ZNF865: variants seen among roughly 807,000 people sequenced by gnomAD.
ZNF865 encodes zinc finger protein 865.
For synonymous variants in ZNF865, 763 were observed against 750.8 expected (o/e 1.02, Z -0.27); for missense variants, 1,311 against 1,593.4 (o/e 0.82, Z 3.02).
chr19:55,616,608 C>A lies in ZNF865; in HGVS notation c.2990C>A (p.Ala997Asp), dbSNP rs1395076561. The A allele has an allele frequency of 1.2e-5, 19 of 1,525,900 alleles. No homozygotes were observed. Among genetic ancestry groups the A allele is most frequent in the Non-Finnish European group, 1.7e-5 (19 of 1,142,006 alleles). 94.5% of individuals were successfully genotyped at this position (1,525,900 alleles called of 1,614,324 possible). A position where few individuals can be genotyped will look rare whatever the true frequency, so the allele number is the denominator to read the frequency against. ...CTCCGCTGCCCCGCCTGCCTCAAGG[C>A]CTTCAAGGATCCCGGCTACTTCCGT... Reference protein sequence around the residue: ...PELRCPACLKAFKDPGYFRKH... With the variant: ...PELRCPACLKDFKDPGYFRKH... The change falls in exon 2 of 2, where the codon GCC (alanine) becomes GAC (aspartate). Residue 997 changes from alanine to aspartate, a missense_variant. By Grantham distance (126) the Ala-to-Asp change is moderately radical. Coordinates refer to ENST00000568956, the MANE Select transcript of ZNF865 (RefSeq NM_001195605.2).
chr19:55,614,024 C>T lies in ZNF865; in HGVS notation c.406C>T (p.Pro136Ser). The part of the protein sequence containing the change: ...LPPAFGAPPP[P>S]LFDAAFPTPQ... ...GCCCGCCTTCGGGGCGCCCCCTCCT[C>T]CCCTCTTTGACGCTGCTTTCCCCAC... is the stretch of plus-strand genomic sequence containing the variant. The change falls in exon 2 of 2, where the codon CCC becomes TCC. Residue 136 changes from proline (P) to serine (S), a missense_variant. Coordinates refer to ENST00000568956, the MANE Select transcript of ZNF865 (RefSeq NM_001195605.2). This position sits in a 1 kb window ranked among gnomAD's most constrained non-coding sequence, Gnocchi z 8.0. 2.0e-6 allele frequency: 3 copies of T among 1,500,438 alleles called. No individual in the cohort carries two copies. Among genetic ancestry groups the T allele is most frequent in the Admixed American group, 2.1e-5 (1 of 47,462 alleles). The allele number at this position is 1,500,438 out of a possible 1,614,324, so 92.9% of individuals were successfully genotyped here.
At position 55,614,890 on chromosome 19, in the gene ZNF865, G is replaced by C; in HGVS notation, c.1272G>C (p.Lys424Asn). 1 of 1,501,616 alleles carries C rather than the reference G, an allele frequency of 6.7e-7. No individual in the cohort carries two copies. Among genetic ancestry groups the C allele is most frequent in the Non-Finnish European group, 8.9e-7 (1 of 1,129,712 alleles). The allele number at this position is 1,501,616 out of a possible 1,614,324, so 93.0% of individuals were successfully genotyped here. Residue 424 changes from lysine to asparagine, a missense_variant, in exon 2 of 2, where the codon AAG becomes AAC. Transcript: ENST00000568956. This position sits in a 1 kb window ranked among gnomAD's most constrained non-coding sequence, Gnocchi z 8.0. ...TCCGCGACGCCTCCTACCTCCTCAA[G>C]CACCAGGCGGCCCACGCGGGGGCGG... Reference protein sequence around the residue: ...KAFRDASYLLKHQAAHAGAGA... With the variant: ...KAFRDASYLLNHQAAHAGAGA...
chr19:55,614,250 G>C lies in ZNF865; in HGVS notation c.632G>C (p.Gly211Ala), dbSNP rs1981255263. Reference sequence around the variant, plus strand: ...TGCGACCCCACCAAGGACGACAAGGGCTACTTCCGGAGACTGAAGTACCTG... The same window carrying C: ...TGCGACCCCACCAAGGACGACAAGGCCTACTTCCGGAGACTGAAGTACCTG... ...AACDPTKDDKGYFRRLKYLME... is the reference protein window; with the variant it reads ...AACDPTKDDKAYFRRLKYLME... Residue 211 changes from glycine (G) to alanine (A), a missense_variant, in exon 2 of 2, where the codon GGC becomes GCC. Coordinates refer to ENST00000568956, the MANE Select transcript of ZNF865 (RefSeq NM_001195605.2). The surrounding 1 kb of genome is among the most constrained non-coding windows in gnomAD (Gnocchi z 8.0). 6.6e-7 allele frequency: 1 copy of C among 1,514,782 alleles called. No homozygotes were observed. Among genetic ancestry groups the C allele is most frequent in the South Asian group, 1.2e-5 (1 of 81,920 alleles). 93.8% of individuals were successfully genotyped at this position (1,514,782 alleles called of 1,614,324 possible). A position where few individuals can be genotyped will look rare whatever the true frequency, so the allele number is the denominator to read the frequency against.
At chr19:55,607,737 C>T (rs943223404) in intron 1 of ZNF865, among the ~76,000 whole-genome samples, 2 of 152,210 alleles carry the variant, frequency 1.3e-5, no homozygotes, top group Admixed American at 1.3e-4. Flanking sequence ...AATTCCCCTT[C>T]TCCTGGACAA....
intron 1 of ZNF865, among the ~76,000 whole-genome samples, chr19:55,608,114 A>G (rs1981005237): frequency 6.6e-6 from 1 of 152,184 alleles, no homozygotes; most frequent in Admixed American, 6.5e-5. Context: ...GTGACAGGTC[A>G]TTGGTTACTG....
chr19:55,610,203 C>T (rs1456576735), intron 1 of ZNF865, among the ~76,000 whole-genome samples: 2 of 152,214 alleles, frequency 1.3e-5, no homozygotes, highest in Non-Finnish European at 2.9e-5. Flanking sequence ...TGCACCTCCT[C>T]AGCTTTGGTA....
Position 55,615,852 on chromosome 19 carries a change from C to A in ZNF865, c.2234C>A (p.Ala745Glu). 6.7e-7 allele frequency: 1 copy of A among 1,492,834 alleles called. No homozygotes were observed. The highest frequency in any genetic ancestry group is 1.3e-5 in the South Asian group (1 of 77,898). The allele number at this position is 1,492,834 out of a possible 1,614,324, so 92.5% of individuals were successfully genotyped here. Residue 745 changes from alanine to glutamate, a missense_variant, in exon 2 of 2, where the codon GCG becomes GAG. Coordinates refer to ENST00000568956, the MANE Select transcript of ZNF865 (RefSeq NM_001195605.2). ...QPPDGSSGTD[A>E]ASVLDNGLAG... ...CCGGACGGCTCCAGCGGCACGGATG[C>A]GGCCAGCGTGCTGGACAACGGGCTG...
intron 1 of ZNF865, among the ~76,000 whole-genome samples, chr19:55,610,084 C>G (rs919693361): frequency 6.6e-6 from 1 of 152,202 alleles, no homozygotes; most frequent in African/African-American, 2.4e-5. Flanking sequence ...ACATGTCCCC[C>G]TCCGTTCCTC....
intron 1 of ZNF865, among the ~76,000 whole-genome samples, chr19:55,610,916 G>T (rs1412776284): frequency 6.6e-6 from 1 of 152,146 alleles, no homozygotes; most frequent in African/African-American, 2.4e-5. Context: ...AGGCAGAAGA[G>T]AAAGTAACCA....
chr19:55,613,836 C>CGCCGCAGCCCCCGCCGCA lies in ZNF865; in HGVS notation c.218_219insGCCGCAGCCCCCGCCGCA (p.Pro74_Pro75insGlnProProProHisPro). On this transcript the variant is annotated inframe_insertion, in exon 2 of 2. Coordinates refer to ENST00000568956, the MANE Select transcript of ZNF865 (RefSeq NM_001195605.2). ...CCGCCGCAGCCCCCGCCGCAGCCCC[C>CGCCGCAGCCCCCGCCGCA]TCCCCCGCAGTATGACTACCCGCCC... The CGCCGCAGCCCCCGCCGCA allele has an allele frequency of 6.7e-7, 1 of 1,503,464 alleles. No homozygotes were observed. Among genetic ancestry groups the CGCCGCAGCCCCCGCCGCA allele is most frequent in the Non-Finnish European group, 8.9e-7 (1 of 1,125,628 alleles). The allele number at this position is 1,503,464 out of a possible 1,614,324, so 93.1% of individuals were successfully genotyped here.
At position 55,608,180 on chromosome 19, in the gene ZNF865, C is replaced by T. The variant is rs57457524; in HGVS notation, c.-27+2448C>T. Reference sequence around the variant, plus strand: ...GATGGGGAGGAGGTGAAGGGGTGAGCGAGATGGTTGCCTGAGAGTCAGAAT... The same window carrying T: ...GATGGGGAGGAGGTGAAGGGGTGAGTGAGATGGTTGCCTGAGAGTCAGAAT... On this transcript the variant is annotated intron_variant, in intron 1 of 1. Transcript: ENST00000568956. 7.3e-3 allele frequency among the ~76,000 whole-genome samples: 1,109 copies of T among 151,968 alleles called. 18 individuals carry two copies. The highest frequency in any genetic ancestry group is 0.025 in the African/African-American group (1,049 of 41,442).
At chr19:55,606,345 C>T (rs939023796) in intron 1 of ZNF865, among the ~76,000 whole-genome samples, 1 of 151,540 alleles carries the variant, frequency 6.6e-6, no homozygotes, top group Admixed American at 6.6e-5. Context: ...AAGAATGCCC[C>T]TTTCAAAGCC....
rs893827986 is a variant in ZNF865, at chr19:55,615,009, C to G, written c.1391C>G (p.Ala464Gly). 1 of 1,363,330 alleles carries G rather than the reference C, an allele frequency of 7.3e-7. No homozygotes were observed. Among genetic ancestry groups the G allele is most frequent in the African/African-American group, 1.5e-5 (1 of 64,674 alleles). 84.5% of individuals were successfully genotyped at this position (1,363,330 alleles called of 1,614,324 possible). ...CTGCTCCGCCACAAGGCCGCCCACG[C>G]CCCGCCCGCTGCCGCTGCGGAGGCG... ...QSLLRHKAAH[A>G]PPAAAAEAPK... Residue 464 changes from alanine to glycine, a missense_variant, in exon 2 of 2, where the codon GCC becomes GGC. Ala to Gly is a moderately conservative substitution (Grantham distance 60). Coordinates refer to ENST00000568956, the MANE Select transcript of ZNF865 (RefSeq NM_001195605.2).
chr19:55,614,125 C>T lies in ZNF865; in HGVS notation c.507C>T (p.Ser169=). ...FGNLKRGGPA[S]GPGVTPGLGA... is the part of the protein sequence containing the mutation. ...ACCTGAAGCGAGGAGGGCCCGCGTC[C>T]GGGCCGGGGGTGACGCCTGGGCTGG... is the stretch of plus-strand genomic sequence containing the variant. The change falls in exon 2 of 2, where the codon TCC becomes TCT. Residue 169 remains serine (S), a synonymous_variant. Coordinates refer to ENST00000568956, the MANE Select transcript of ZNF865 (RefSeq NM_001195605.2). The surrounding 1 kb of genome is among the most constrained non-coding windows in gnomAD (Gnocchi z 8.0). The T allele has an allele frequency of 7.0e-7, 1 of 1,426,784 alleles. No individual in the cohort carries two copies. Among genetic ancestry groups the T allele is most frequent in the Non-Finnish European group, 9.1e-7 (1 of 1,099,846 alleles). 88.4% of individuals were successfully genotyped at this position (1,426,784 alleles called of 1,614,324 possible).
In ZNF865 at chr19:55,616,146, G is replaced by A; in HGVS notation, c.2528G>A (p.Arg843Gln). Residue 843 changes from arginine (R) to glutamine (Q), a missense_variant, in exon 2 of 2, where the codon CGG (arginine) becomes CAG (glutamine). Physicochemically the swap from Arg to Gln is conservative, Grantham distance 43. Coordinates refer to ENST00000568956, the MANE Select transcript of ZNF865 (RefSeq NM_001195605.2). ...TTGCTCCTACACCGCCGCAGCCATCGGCAGAAGCGGGGTTTCCGCTGCCCG... is the reference window on the plus strand; with the variant it reads ...TTGCTCCTACACCGCCGCAGCCATCAGCAGAAGCGGGGTTTCCGCTGCCCG... Reference protein sequence around the residue: ...YDLLLHRRSHRQKRGFRCPVC... With the variant: ...YDLLLHRRSHQQKRGFRCPVC... The A allele has an allele frequency of 6.7e-7, 1 of 1,501,762 alleles. No individual in the cohort carries two copies. Among genetic ancestry groups the A allele is most frequent in the Non-Finnish European group, 8.9e-7 (1 of 1,128,566 alleles). The allele number at this position is 1,501,762 out of a possible 1,614,324, so 93.0% of individuals were successfully genotyped here. A position where few individuals can be genotyped will look rare whatever the true frequency, so the allele number is the denominator to read the frequency against.
chr19:55,605,696 C>T lies in ZNF865; in HGVS notation c.-63C>T, dbSNP rs1316835528. On this transcript the variant is annotated 5_prime_UTR_variant, in exon 1 of 2. Coordinates refer to ENST00000568956, the MANE Select transcript of ZNF865 (RefSeq NM_001195605.2). ...CCCCGGAGCGGCGGCGCCTCCTCCG[C>T]CTCCTCGGCCTCCTCCCGGCGGAGA... 6.6e-6 allele frequency: 1 copy of T among 151,988 alleles called. No individual in the cohort carries two copies. Among genetic ancestry groups the T allele is most frequent in the Non-Finnish European group, 1.5e-5 (1 of 67,940 alleles). 9.4% of individuals were successfully genotyped at this position (151,988 alleles called of 1,614,324 possible). A position where few individuals can be genotyped will look rare whatever the true frequency, so the allele number is the denominator to read the frequency against.
At position 55,614,211 on chromosome 19, in the gene ZNF865, C is replaced by A. The variant is rs1344649210; in HGVS notation, c.593C>A (p.Pro198His). ...CCCTCGCAGACCCCGCCAGGACCCC[C>A]CGCGGCGGCGGCCTGCGACCCCACC... ...PAPSQTPPGPPAAAACDPTKD... is the reference protein window; with the variant it reads ...PAPSQTPPGPHAAAACDPTKD... Residue 198 changes from proline to histidine, a missense_variant, in exon 2 of 2, where the codon CCC becomes CAC. Transcript: ENST00000568956. The surrounding 1 kb of genome is among the most constrained non-coding windows in gnomAD (Gnocchi z 8.0). The A allele has an allele frequency of 1.3e-6, 2 of 1,506,652 alleles. No homozygotes were observed. Among genetic ancestry groups the A allele is most frequent in the African/African-American group, 2.9e-5 (2 of 69,618 alleles). The allele number at this position is 1,506,652 out of a possible 1,614,324, so 93.3% of individuals were successfully genotyped here.
rs1981383491 is a variant in ZNF865 at position 55,616,935 on chromosome 19, C to G, written c.*137C>G. 3.3e-6 allele frequency: 3 copies of G among 914,906 alleles called. No homozygotes were observed. Among genetic ancestry groups the G allele is most frequent in the Non-Finnish European group, 4.6e-6 (3 of 652,834 alleles). 56.7% of individuals were successfully genotyped at this position (914,906 alleles called of 1,614,324 possible). A position where few individuals can be genotyped will look rare whatever the true frequency, so the allele number is the denominator to read the frequency against. On this transcript the variant is annotated 3_prime_UTR_variant, in exon 2 of 2. Transcript: ENST00000568956. ...ACACGGACTGGCGACCTTCAGGGCGCACGCCCGACAGGCTCAAGACTGAAT... is the reference window on the plus strand; with the variant it reads ...ACACGGACTGGCGACCTTCAGGGCGGACGCCCGACAGGCTCAAGACTGAAT...
intron 1 of ZNF865, among the ~76,000 whole-genome samples, chr19:55,608,230 C>T (rs899731263): frequency 7.3e-5 from 11 of 151,022 alleles, no homozygotes; most frequent in East Asian, 1.9e-4. Context: ...CAACAGCCAG[C>T]GCAAAGGCCC....
Sources: allele counts gnomAD v4.1 joint callset (sites outside exome capture counted in the v4.1 genomes callset), GRCh38; gene constraint gnomAD v4.1.1; non-coding constraint Gnocchi (gnomAD v3.1); transcripts MANE v1.5; gene names NCBI Gene and HGNC (gene_info 2026-07-23, HGNC 2026-07-21).